VAV2: variants seen among roughly 807,000 people sequenced by gnomAD.
The protein encoded by VAV2 is vav guanine nucleotide exchange factor 2, also known as guanine nucleotide exchange factor VAV2.
Under a neutral mutation model 132.5 loss-of-function variants are expected in VAV2, and 67 were observed. The observed-to-expected ratio is 0.51, with a 90% CI of 0.42 to 0.62. The LOEUF (loss-of-function observed/expected upper bound fraction) is 0.62, where lower values mean the gene tolerates loss of function less well. Among genes scored for constraint, VAV2 ranks in the 20% least tolerant of loss-of-function variants. The pLI, the probability that VAV2 is intolerant of heterozygous loss-of-function variation, is 0.00. For synonymous variants in VAV2, 492 were observed against 443.5 expected, an observed-to-expected ratio of 1.11 and a Z score of -1.37; for missense variants, 938 against 1,153.6, an observed-to-expected ratio of 0.81 and a Z score of 2.71.
rs145616186 is a variant in VAV2, at chr9:133,924,318, G to A, written c.321+14785C>T. 3.9e-5 allele frequency among the ~76,000 whole-genome samples: 6 copies of A among 152,114 alleles called. No individual in the cohort carries two copies. In the East Asian group the frequency reaches 1.2e-3, roughly 29 times the overall value. On this transcript the variant is annotated intron_variant, in intron 2 of 29. Transcript: ENST00000371850. ...CTGCCTTAGCCTCCCGAGTAGCTGG[G>A]GTAGACTACAGTTATGCACCACCAC...
intron 4 of VAV2, among the ~76,000 whole-genome samples, chr9:133,822,289 C>T (rs561049468): frequency 2.0e-5 from 3 of 152,212 alleles, no homozygotes; most frequent in Non-Finnish European, 4.4e-5. Flanking sequence ...CTGATGCTGC[C>T]AAGCAGGGTA....
chr9:133,778,740 C>A (rs1833901804), intron 22 of VAV2, 22 bp downstream of exon 22: 2 of 1,610,738 alleles, frequency 1.2e-6, no homozygotes, highest in Non-Finnish European at 1.7e-6. Context: ...GACCCTCGAC[C>A]CTCCCGGGCC....
intron 29 of VAV2, among the ~76,000 whole-genome samples, chr9:133,765,384 T>C (rs1588147431): frequency 6.6e-6 from 1 of 152,242 alleles, no homozygotes; most frequent in Non-Finnish European, 1.5e-5. Context: ...GCATAATTCA[T>C]GTCCTAACAG....
At chr9:133,924,101 G>A (rs1840388360) in intron 2 of VAV2, among the ~76,000 whole-genome samples, 1 of 152,110 alleles carries the variant, frequency 6.6e-6, no homozygotes. Context: ...TATCAAACCT[G>A]CAGATTGTGC....
At chr9:133,949,946 C>A (rs532568694) in intron 1 of VAV2, among the ~76,000 whole-genome samples, 2 of 152,220 alleles carry the variant, frequency 1.3e-5, no homozygotes, top group Non-Finnish European at 2.9e-5. Flanking sequence ...GATTTCCAAA[C>A]GAGCTCTGCT....
At chr9:133,908,743 G>A (rs1313235402) in intron 2 of VAV2, among the ~76,000 whole-genome samples, 1 of 152,264 alleles carries the variant, frequency 6.6e-6, no homozygotes, top group East Asian at 1.9e-4. Flanking sequence ...TGCCAGCGCT[G>A]CACCCCTCTG....
At chr9:133,896,688 G>A (rs1839217494) in intron 2 of VAV2, among the ~76,000 whole-genome samples, 1 of 152,062 alleles carries the variant, frequency 6.6e-6, no homozygotes, top group Non-Finnish European at 1.5e-5. Flanking sequence ...TTCCATTCTG[G>A]TTTGATTTCA....
intron 1 of VAV2, among the ~76,000 whole-genome samples, chr9:133,952,856 G>A (rs1170931287): frequency 8.5e-6 from 1 of 117,564 alleles, no homozygotes; most frequent in Admixed American, 8.5e-5. Context: ...AACCTGGAGG[G>A]AGCATGGCCC....
intron 18 of VAV2, 106 bp downstream of exon 18, chr9:133,784,211 C>A: frequency 7.8e-7 from 1 of 1,286,662 alleles, no homozygotes. Context: ...CTTAACCCCT[C>A]AGGGCCTCCC....
intron 4 of VAV2, among the ~76,000 whole-genome samples, chr9:133,817,206 G>A (rs1835592477): frequency 6.6e-6 from 1 of 152,216 alleles, no homozygotes. Context: ...AGGAAGAATT[G>A]GGCCTTTTCT....
chr9:133,915,188 G>T (rs1308112477), intron 2 of VAV2, among the ~76,000 whole-genome samples: 1 of 152,126 alleles, frequency 6.6e-6, no homozygotes, highest in Admixed American at 6.5e-5. Flanking sequence ...TTGGCTCTGG[G>T]GACATCAGGG....
At chr9:133,784,028 AG>A (rs1016640661) in intron 18 of VAV2, among the ~76,000 whole-genome samples, 1 of 152,162 alleles carries the variant, frequency 6.6e-6, no homozygotes, top group Non-Finnish European at 1.5e-5. Flanking sequence ...CCACAGGAGC[AG>A]GCCAACACGC....
chr9:133,921,154 A>G (rs1019801409), intron 2 of VAV2, among the ~76,000 whole-genome samples: 7 of 152,216 alleles, frequency 4.6e-5, no homozygotes, highest in African/African-American at 1.4e-4. Flanking sequence ...ATACAGAGTC[A>G]GCCCACTTCC....
At chr9:133,796,190 T>C (rs904887602) in intron 11 of VAV2, among the ~76,000 whole-genome samples, 11 of 152,236 alleles carry the variant, frequency 7.2e-5, no homozygotes, top group Non-Finnish European at 1.3e-4. Context: ...GACGCTTTTC[T>C]GTCTCTTTCA....
intron 1 of VAV2, among the ~76,000 whole-genome samples, chr9:133,942,313 G>A (rs560118034): frequency 6.6e-6 from 1 of 152,356 alleles, no homozygotes; most frequent in African/African-American, 2.4e-5. Context: ...GCGGGAGAGG[G>A]CGTGGGACGG....
chr9:133,838,048 C>T (rs1335512841), intron 3 of VAV2, among the ~76,000 whole-genome samples: 7 of 152,140 alleles, frequency 4.6e-5, no homozygotes, highest in Admixed American at 1.3e-4. Context: ...GGACCGTGCA[C>T]GGCCTCAGCG....
intron 2 of VAV2, among the ~76,000 whole-genome samples, chr9:133,889,045 C>T (rs1234336398): frequency 6.6e-6 from 1 of 152,180 alleles, no homozygotes; most frequent in African/African-American, 2.4e-5. Flanking sequence ...GAGCTCTTTG[C>T]TGAGATCAAG....
chr9:133,778,323 C>T (rs1295672809), intron 22 of VAV2, among the ~76,000 whole-genome samples: 1 of 152,106 alleles, frequency 6.6e-6, no homozygotes, highest in Non-Finnish European at 1.5e-5. Flanking sequence ...CGAACCTGCC[C>T]GCTCACCCCA....
At chr9:133,936,182 G>A (rs953311189) in intron 2 of VAV2, among the ~76,000 whole-genome samples, 4 of 152,168 alleles carry the variant, frequency 2.6e-5, no homozygotes, top group South Asian at 2.1e-4. Flanking sequence ...CCAGCCTGCC[G>A]GGGTCCAAGT....
Sources: gnomAD v4.1 joint callset for allele counts (sites outside exome capture counted in the v4.1 genomes callset) on GRCh38, gnomAD v4.1.1 for gene constraint, MANE v1.5 for transcripts, NCBI Gene and HGNC (gene_info 2026-07-23, HGNC 2026-07-21) for gene names.